Variants in KIF13B observed in about 807,000 individuals in gnomAD.
The protein encoded by KIF13B is kinesin-like protein KIF13B.
Under a neutral mutation model 222.0 loss-of-function variants are expected in KIF13B, and 127 were observed. The observed-to-expected ratio is 0.57, with a 90% confidence interval of 0.50 to 0.66. The LOEUF is 0.66. KIF13B is among the 30% of genes least tolerant of loss of function. The pLI is 0.00. For missense variants in KIF13B, 2,173 were observed against 2,379.0 expected (o/e 0.91, Z 1.80); for synonymous variants, 976 against 919.0 (o/e 1.06, Z -1.12).
chr8:29,237,243 C>T (rs573878214), intron 2 of KIF13B, among the ~76,000 whole-genome samples: 6 of 151,304 alleles, frequency 4.0e-5, no homozygotes, highest in South Asian at 2.1e-4. Flanking sequence ...AGACAAAGAG[C>T]GCTAAAAAAG....
At chr8:29,234,957 A>G (rs1163479199) in intron 2 of KIF13B, among the ~76,000 whole-genome samples, 3 of 152,200 alleles carry the variant, frequency 2.0e-5, no homozygotes, top group Non-Finnish European at 4.4e-5. Flanking sequence ...TGATTTTTAA[A>G]TGTTCCAACT....
At chr8:29,111,082 C>T (rs1049850173) in intron 32 of KIF13B, among the ~76,000 whole-genome samples, 4 of 152,166 alleles carry the variant, frequency 2.6e-5, no homozygotes, top group Non-Finnish European at 2.9e-5. Flanking sequence ...ATTTGTAAGA[C>T]GGCTTAAGTT....
At chr8:29,251,132 C>G (rs1046454993) in intron 1 of KIF13B, among the ~76,000 whole-genome samples, 1 of 151,412 alleles carries the variant, frequency 6.6e-6, no homozygotes, top group Non-Finnish European at 1.5e-5. Flanking sequence ...GCCTGGGCAA[C>G]GAGGGGAGAC....
chr8:29,259,257 C>T (rs903835415), intron 1 of KIF13B, among the ~76,000 whole-genome samples: 10 of 152,290 alleles, frequency 6.6e-5, no homozygotes, highest in African/African-American at 2.2e-4. Flanking sequence ...TTACATACTT[C>T]TGTGTCTTTC....
intron 14 of KIF13B, among the ~76,000 whole-genome samples, chr8:29,155,429 CACAA>C (rs969864957): frequency 3.3e-5 from 5 of 152,156 alleles, no homozygotes; most frequent in Non-Finnish European, 7.3e-5. Context: ...GATTTTCTGT[CACAA>C]ACAGAGGAAA....
chr8:29,240,213 C>T (rs540928642), intron 2 of KIF13B, among the ~76,000 whole-genome samples: 1 of 151,276 alleles, frequency 6.6e-6, no homozygotes, highest in Non-Finnish European at 1.5e-5. Flanking sequence ...ACCCTTCTGG[C>T]CTTTCACTAG....
intron 3 of KIF13B, among the ~76,000 whole-genome samples, chr8:29,194,976 G>A (rs1029413862): frequency 3.9e-5 from 6 of 152,176 alleles, no homozygotes; most frequent in East Asian, 3.9e-4. Flanking sequence ...AGCTGGGCAC[G>A]GTCGCTCACG....
At chr8:29,241,207 T>C (rs1815762803) in intron 2 of KIF13B, among the ~76,000 whole-genome samples, 1 of 152,220 alleles carries the variant, frequency 6.6e-6, no homozygotes, top group African/African-American at 2.4e-5. Flanking sequence ...ACATCATGTA[T>C]GATTTCATTT....
intron 15 of KIF13B, 114 bp downstream of exon 15, chr8:29,150,183 G>A (rs1439059172): frequency 9.5e-6 from 6 of 630,232 alleles, no homozygotes; most frequent in South Asian, 3.8e-5. Flanking sequence ...AAATATATAC[G>A]TACACACACA....
At chr8:29,099,015 A>G in intron 36 of KIF13B, 118 bp downstream of exon 36, 1 of 825,714 alleles carries the variant, frequency 1.2e-6, no homozygotes, top group East Asian at 2.4e-5. Context: ...GAGAAATGAA[A>G]CAACTCGATG....
chr8:29,231,082 G>A (rs569027444), intron 2 of KIF13B, among the ~76,000 whole-genome samples: 1 of 152,044 alleles, frequency 6.6e-6, no homozygotes, highest in South Asian at 2.1e-4. Context: ...GTTTCACCAT[G>A]TTGCCAAGGC....
At chr8:29,181,894 T>C (rs748103660) in intron 7 of KIF13B, 25 bp downstream of exon 7, 3 of 1,548,624 alleles carry the variant, frequency 1.9e-6, no homozygotes, top group South Asian at 1.2e-5. Flanking sequence ...TAAATTTAAA[T>C]AGTTCACATA....
intron 12 of KIF13B, among the ~76,000 whole-genome samples, chr8:29,162,669 G>C (rs1477163562): frequency 6.6e-6 from 1 of 152,174 alleles, no homozygotes; most frequent in Non-Finnish European, 1.5e-5. Context: ...TTTTGTCAAA[G>C]CCGAAAGAGG....
chr8:29,156,054 C>T (rs986523768), intron 13 of KIF13B, among the ~76,000 whole-genome samples, 198 bp from the exon 14 acceptor site: 14 of 152,100 alleles, frequency 9.2e-5, no homozygotes, highest in East Asian at 1.9e-4. Flanking sequence ...CTGCAACCTC[C>T]GCCTCCCAGG....
At chr8:29,085,600 G>A (rs1468093899) in intron 37 of KIF13B, among the ~76,000 whole-genome samples, 1 of 150,460 alleles carries the variant, frequency 6.6e-6, no homozygotes, top group African/African-American at 2.4e-5. Flanking sequence ...TCGAACTCCT[G>A]AGCTCAAGTG....
intron 21 of KIF13B, among the ~76,000 whole-genome samples, chr8:29,136,744 G>A (rs1347765796): frequency 6.6e-6 from 1 of 150,750 alleles, no homozygotes; most frequent in African/African-American, 2.4e-5. Flanking sequence ...CTACAGGGGT[G>A]AGACTTACCA....
chr8:29,204,971 C>T (rs1457571816), intron 2 of KIF13B, among the ~76,000 whole-genome samples: 2 of 152,030 alleles, frequency 1.3e-5, no homozygotes, highest in African/African-American at 2.4e-5. Flanking sequence ...AACTAATTTC[C>T]CCCCAGCCCT....
chr8:29,191,553 A>G (rs1813189199), intron 3 of KIF13B, among the ~76,000 whole-genome samples: 1 of 152,240 alleles, frequency 6.6e-6, no homozygotes. Flanking sequence ...TAATTTAAAA[A>G]AAGTTTATGT....
intron 21 of KIF13B, among the ~76,000 whole-genome samples, chr8:29,137,681 C>G (rs563802904): frequency 1.3e-5 from 2 of 152,298 alleles, no homozygotes; most frequent in Admixed American, 1.3e-4. Flanking sequence ...GTCCTTTTTA[C>G]ATAAAAGGCC....
Sources: allele counts gnomAD v4.1 joint callset (sites outside exome capture counted in the v4.1 genomes callset), GRCh38; gene constraint gnomAD v4.1.1; transcripts MANE v1.5; gene names NCBI Gene and HGNC (gene_info 2026-07-23, HGNC 2026-07-21).